Variants in NUDCD3 observed in about 807,000 individuals in gnomAD.
The protein encoded by NUDCD3 is NudC domain containing 3.
NUDCD3 carries 13 observed loss-of-function variants against 39.7 expected under a neutral mutation model. The observed-to-expected ratio is 0.33, with a 90% CI of 0.21 to 0.52. The LOEUF (loss-of-function observed/expected upper bound fraction) is 0.52, where lower values mean the gene tolerates loss of function less well. NUDCD3 is among the 20% of genes least tolerant of loss of function. The probability of loss-of-function intolerance (pLI) is 0.96; values close to 1 mark genes in which losing one functional copy is unlikely to be tolerated. For synonymous variants in NUDCD3, 175 were observed against 172.4 expected (o/e 1.02, Z -0.12); for missense variants, 453 against 458.1 (o/e 0.99, Z 0.10).
chr7:44,455,648 G>A (rs749451579), intron 2 of NUDCD3, among the ~76,000 whole-genome samples: 26 of 152,292 alleles, frequency 1.7e-4, no homozygotes, highest in South Asian at 4.1e-4. Context: ...GTGTGCATTA[G>A]TGCAGGTAAA....
intron 2 of NUDCD3, chr7:44,484,707 T>G: frequency 2.5e-6 from 1 of 397,998 alleles, no homozygotes; most frequent in South Asian, 4.5e-5. Context: ...GTGAGAGGAG[T>G]CAAGTGCTCT....
rs560544919 is a variant in NUDCD3 at position 44,402,275 on chromosome 7, C to T, written c.786+2165G>A. On this transcript the variant is annotated intron_variant, in intron 4 of 5. Coordinates refer to ENST00000355451, the MANE Select transcript of NUDCD3 (RefSeq NM_015332.4). ...CCTCACAAAGAGCCTGGCCCAAAGA[C>T]TGTGTTCATTGAATGGCGGCCATTA... Among the ~76,000 whole-genome samples, 9 of 152,328 alleles carry T rather than the reference C, an allele frequency of 5.9e-5. No homozygotes were observed. In the South Asian group the frequency reaches 8.3e-4, roughly 14 times the overall value.
At chr7:44,432,975 G>T (rs1338286809) in intron 2 of NUDCD3, among the ~76,000 whole-genome samples, 1 of 152,216 alleles carries the variant, frequency 6.6e-6, no homozygotes, top group East Asian at 1.9e-4. Context: ...ATGGCAGTAG[G>T]AGGTAAGGCC....
intron 2 of NUDCD3, among the ~76,000 whole-genome samples, chr7:44,478,235 C>G (rs1179356840): frequency 6.6e-6 from 1 of 152,214 alleles, no homozygotes; most frequent in East Asian, 1.9e-4. Context: ...AATTCTCTCT[C>G]TTCTCTGAGG....
intron 2 of NUDCD3, among the ~76,000 whole-genome samples, chr7:44,454,508 C>T (rs1799856189): frequency 6.6e-6 from 1 of 152,156 alleles, no homozygotes; most frequent in African/African-American, 2.4e-5. Flanking sequence ...AGCATATAAC[C>T]ACTGAGGCTA....
Position 44,386,061 on chromosome 7 carries a change from G to A in NUDCD3, c.1036C>T (p.Arg346Ter), listed in dbSNP as rs1186297956. 10 of 1,612,116 alleles carry A rather than the reference G, an allele frequency of 6.2e-6. No individual in the cohort carries two copies. Among genetic ancestry groups the A allele is most frequent in the African/African-American group, 2.7e-5 (2 of 74,856 alleles). The change falls in exon 6 of 6, where the codon CGA becomes TGA. Residue 346 changes from arginine (R) to a stop codon, truncating the protein, a stop_gained. Coordinates refer to ENST00000355451, the MANE Select transcript of NUDCD3 (RefSeq NM_015332.4). LOFTEE classifies it high-confidence loss of function. ...DAEGSPFRGQ[R>*]FDPAMFNISP... ...ATGTTGAACATGGCAGGGTCGAATC[G>A]CTGGCCTCGGAAGGGAGAACCTTCA...
chr7:44,408,742 T>C (rs1232178459), intron 3 of NUDCD3, among the ~76,000 whole-genome samples: 1 of 152,158 alleles, frequency 6.6e-6, no homozygotes, highest in Non-Finnish European at 1.5e-5. Context: ...GTAAGAACAG[T>C]GAGCTCTGTG....
chr7:44,402,193 C>A (rs1798739699), intron 4 of NUDCD3, among the ~76,000 whole-genome samples: 1 of 152,222 alleles, frequency 6.6e-6, no homozygotes, highest in African/African-American at 2.4e-5. Flanking sequence ...CTTCTCATAG[C>A]CTCAATGTCC....
chr7:44,442,254 A>C (rs1226396912), intron 2 of NUDCD3, among the ~76,000 whole-genome samples: 2 of 152,212 alleles, frequency 1.3e-5, no homozygotes, highest in African/African-American at 2.4e-5. Context: ...GGGCTTTTTA[A>C]AACAGAGTTC....
chr7:44,404,661 T>C lies in NUDCD3; in HGVS notation c.643-78A>G. On this transcript the variant is annotated intron_variant, in intron 3 of 5. Transcript: ENST00000355451. ...TGCTGTACGGTGGGAGTGGTGATGG[T>C]TTCCAAGGTACCTGACTGCACACTA... The C allele has an allele frequency of 6.6e-6, 10 of 1,509,188 alleles. No homozygotes were observed. The South Asian group carries it at 1.2e-4, about 18-fold the overall frequency. The allele number at this position is 1,509,188 out of a possible 1,614,324, so 93.5% of individuals were successfully genotyped here.
intron 2 of NUDCD3, among the ~76,000 whole-genome samples, chr7:44,443,213 G>T (rs1262492127): frequency 1.3e-5 from 2 of 151,818 alleles, no homozygotes; most frequent in African/African-American, 4.8e-5. Flanking sequence ...CAGGTGGGAT[G>T]AGCTTTGAAC....
At chr7:44,442,565 G>A (rs1187101241) in intron 2 of NUDCD3, among the ~76,000 whole-genome samples, 2 of 152,164 alleles carry the variant, frequency 1.3e-5, no homozygotes, top group African/African-American at 4.8e-5. Context: ...GTGACAAGAT[G>A]GAGGCTCACC....
intron 1 of NUDCD3, among the ~76,000 whole-genome samples, chr7:44,488,703 C>G (rs902620736): frequency 6.6e-6 from 1 of 152,190 alleles, no homozygotes; most frequent in Non-Finnish European, 1.5e-5. Flanking sequence ...TTCCAGTCAC[C>G]CAAGTTGAAA....
chr7:44,466,334 C>A (rs1305212289), intron 2 of NUDCD3, among the ~76,000 whole-genome samples: 1 of 152,244 alleles, frequency 6.6e-6, no homozygotes, highest in Non-Finnish European at 1.5e-5. Flanking sequence ...CTGAACACTT[C>A]TGGGGCCACC....
chr7:44,391,034 G>A (rs934782743), intron 5 of NUDCD3, among the ~76,000 whole-genome samples: 43 of 152,200 alleles, frequency 2.8e-4, no homozygotes, highest in Non-Finnish European at 3.4e-4. Flanking sequence ...GGCCAGGGTG[G>A]ACAGGGCTGT....
chr7:44,407,456 T>G (rs1001091710), intron 3 of NUDCD3, among the ~76,000 whole-genome samples: 4 of 150,432 alleles, frequency 2.7e-5, no homozygotes, highest in Non-Finnish European at 5.9e-5. Context: ...CCCCAGCTAC[T>G]CCGGAGGCTG....
chr7:44,450,195 T>TG (rs35118789), intron 2 of NUDCD3, among the ~76,000 whole-genome samples: 248 of 151,804 alleles, frequency 1.6e-3, no homozygotes, highest in Middle Eastern at 0.01. Flanking sequence ...TTTTTTTTTT[T>TG]GACACAGAGT....
chr7:44,413,316 T>C (rs1036518845), intron 3 of NUDCD3: 13 of 152,112 alleles, frequency 8.5e-5, no homozygotes, highest in African/African-American at 2.9e-4. Context: ...TAATTGGGCA[T>C]GGCAGTTCGT....
chr7:44,405,712 T>C (rs952233443), intron 3 of NUDCD3, among the ~76,000 whole-genome samples: 7 of 152,226 alleles, frequency 4.6e-5, no homozygotes, highest in African/African-American at 1.7e-4. Flanking sequence ...TGAAATACAA[T>C]ACCATAACCT....
Sources: allele counts gnomAD v4.1 joint callset (sites outside exome capture counted in the v4.1 genomes callset), GRCh38; gene constraint gnomAD v4.1.1; transcripts MANE v1.5; gene names NCBI Gene and HGNC (gene_info 2026-07-23, HGNC 2026-07-21).